CERS6: variants seen among roughly 807,000 people sequenced by gnomAD.
The protein encoded by CERS6 is LAG1 homolog, ceramide synthase 6.
Under a neutral mutation model 56.8 loss-of-function variants are expected in CERS6, and 26 were observed. The observed-to-expected ratio is 0.46, with a 90% CI of 0.34 to 0.63. CERS6 has a LOEUF of 0.63. Among genes scored for constraint, CERS6 ranks in the 30% least tolerant of loss-of-function variants. The pLI is 0.01. For synonymous variants in CERS6, 164 were observed against 173.3 expected (o/e 0.95, Z 0.42); for missense variants, 415 against 467.5 (o/e 0.89, Z 1.04).
intron 4 of CERS6, among the ~76,000 whole-genome samples, chr2:168,670,969 C>CCG (rs1685896215): frequency 2.7e-5 from 1 of 36,860 alleles, no homozygotes; most frequent in African/African-American, 5.4e-5. Flanking sequence ...ACATGCTTCC[C>CCG]CCCCCCCCCC....
intron 4 of CERS6, among the ~76,000 whole-genome samples, chr2:168,656,951 T>C (rs4668092): frequency 0.53 from 80,915 of 151,832 alleles, 23,675 homozygotes; most frequent in African/African-American, 0.79. Flanking sequence ...CTCCAAGGCC[T>C]CACCAGAGCA....
At chr2:168,486,153 A>G (rs1694270740) in intron 1 of CERS6, among the ~76,000 whole-genome samples, 1 of 152,056 alleles carries the variant, frequency 6.6e-6, no homozygotes. Context: ...CCTTTTTGGC[A>G]AGGTGTCTGT....
chr2:168,554,772 G>A (rs924109114), intron 2 of CERS6, among the ~76,000 whole-genome samples: 9 of 152,166 alleles, frequency 5.9e-5, no homozygotes, highest in African/African-American at 2.2e-4. Flanking sequence ...TTGAAAATAA[G>A]AGCATAGGTG....
intron 2 of CERS6, among the ~76,000 whole-genome samples, chr2:168,554,661 C>T (rs1423821108): frequency 6.6e-6 from 1 of 152,150 alleles, no homozygotes; most frequent in Non-Finnish European, 1.5e-5. Context: ...AGACTATACA[C>T]TTCTGTTGTT....
rs531586279 is a variant in CERS6 at position 168,467,871 on chromosome 2, G to C, written c.170+11253G>C. 3.3e-5 allele frequency among the ~76,000 whole-genome samples: 5 copies of C among 152,212 alleles called. 1 individual carries two copies. Among genetic ancestry groups the C allele is most frequent in the African/African-American group, 4.8e-5 (2 of 41,542 alleles). ...AAATAAAATAAATGGGTATATGTGT[G>C]GGGGGGCCCAAGGACATGGGGTCAT... On this transcript the variant is annotated intron_variant, in intron 1 of 9. Coordinates refer to ENST00000305747, the MANE Select transcript of CERS6 (RefSeq NM_203463.3).
chr2:168,722,764 TCTCC>T (rs1683218752), intron 8 of CERS6, among the ~76,000 whole-genome samples: 1 of 152,162 alleles, frequency 6.6e-6, no homozygotes, highest in Admixed American at 6.5e-5. Flanking sequence ...CACAGCCCTT[TCTCC>T]TCTCCAAGCT....
In CERS6 at chr2:168,558,652, A is replaced by G. The variant is rs906974576; in HGVS notation, c.277-2540A>G. On this transcript the variant is annotated intron_variant, in intron 2 of 9. Coordinates refer to ENST00000305747, the MANE Select transcript of CERS6 (RefSeq NM_203463.3). ...TGGGAGGCCAAGGCGGGTGGATCACAAGGTCAGGAGATCGAGACCATCCTG... is the reference window on the plus strand; with the variant it reads ...TGGGAGGCCAAGGCGGGTGGATCACGAGGTCAGGAGATCGAGACCATCCTG... Among the ~76,000 whole-genome samples the G allele has an allele frequency of 2.0e-4, 30 of 152,240 alleles. 1 individual carries two copies. The highest frequency in any genetic ancestry group is 1.0e-3 in the South Asian group (5 of 4,824).
chr2:168,596,935 T>C (rs1683815393), intron 3 of CERS6, among the ~76,000 whole-genome samples: 1 of 152,206 alleles, frequency 6.6e-6, no homozygotes, highest in Non-Finnish European at 1.5e-5. Context: ...CAAGAATCCT[T>C]TTATTGTAGC....
intron 1 of CERS6, among the ~76,000 whole-genome samples, chr2:168,545,993 C>T (rs1695459249): frequency 6.6e-6 from 1 of 152,156 alleles, no homozygotes; most frequent in Non-Finnish European, 1.5e-5. Flanking sequence ...ATTTTGTGGT[C>T]TTACTGTTTG....
intron 3 of CERS6, among the ~76,000 whole-genome samples, chr2:168,624,770 T>C (rs540128137): frequency 6.6e-6 from 1 of 152,296 alleles, no homozygotes; most frequent in African/African-American, 2.4e-5. Context: ...TAAATTCCAT[T>C]GTACTTGACT....
intron 1 of CERS6, among the ~76,000 whole-genome samples, chr2:168,460,102 C>T (rs924857337): frequency 2.6e-5 from 4 of 152,062 alleles, no homozygotes; most frequent in East Asian, 3.9e-4. Flanking sequence ...TTGTTTTCAC[C>T]CTCCTGATTC....
chr2:168,568,602 TA>T (rs1695925305), intron 3 of CERS6, among the ~76,000 whole-genome samples: 1 of 152,236 alleles, frequency 6.6e-6, no homozygotes, highest in African/African-American at 2.4e-5. Context: ...GTGCCCACAC[TA>T]ATGCTTACAC....
At chr2:168,635,946 A>AT (rs1226418987) in intron 4 of CERS6, among the ~76,000 whole-genome samples, 3 of 151,944 alleles carry the variant, frequency 2.0e-5, no homozygotes, top group East Asian at 3.9e-4. Context: ...CAAGATTGTA[A>AT]TTTTTTTTGC....
intron 4 of CERS6, 55 bp from the exon 5 acceptor site, chr2:168,690,979 T>C: frequency 6.6e-7 from 1 of 1,511,208 alleles, no homozygotes. Context: ...AAACCTTTTT[T>C]ATCCTCTTAT....
intron 1 of CERS6, among the ~76,000 whole-genome samples, chr2:168,538,735 C>G (rs1272795841): frequency 6.6e-6 from 1 of 152,210 alleles, no homozygotes; most frequent in African/African-American, 2.4e-5. Flanking sequence ...AATAGATGCT[C>G]ACTGAGTCAT....
intron 8 of CERS6, among the ~76,000 whole-genome samples, chr2:168,743,184 GTGTGTGTGTATATATATA>G (rs1393573575): frequency 2.0e-5 from 3 of 148,274 alleles, no homozygotes; most frequent in Non-Finnish European, 4.5e-5. Context: ...GTGTGTGTAT[GTGTGTGTGTATATATATA>G]TGTGTGTGTG....
At chr2:168,587,537 C>T (rs1435023341) in intron 3 of CERS6, among the ~76,000 whole-genome samples, 1 of 152,144 alleles carries the variant, frequency 6.6e-6, no homozygotes, top group East Asian at 1.9e-4. Context: ...GCCTCAATGT[C>T]AAGTGATGAT....
chr2:168,598,942 C>T (rs1343353068), intron 3 of CERS6, among the ~76,000 whole-genome samples: 1 of 152,160 alleles, frequency 6.6e-6, no homozygotes, highest in Non-Finnish European at 1.5e-5. Flanking sequence ...AAACACATGT[C>T]AGAAGAGGCT....
intron 8 of CERS6, among the ~76,000 whole-genome samples, chr2:168,725,016 C>T (rs1217182200): frequency 2.6e-5 from 4 of 152,330 alleles, no homozygotes; most frequent in Admixed American, 6.5e-5. Flanking sequence ...TCAGGCATGG[C>T]GGGCTGCAGG....
Sources: allele counts gnomAD v4.1 joint callset (sites outside exome capture counted in the v4.1 genomes callset), GRCh38; gene constraint gnomAD v4.1.1; transcripts MANE v1.5; gene names NCBI Gene and HGNC (gene_info 2026-07-23, HGNC 2026-07-21).